Variants in KCND3 observed in about 807,000 individuals in gnomAD.
KCND3 encodes the protein potassium voltage-gated channel subfamily D member 3, also known as A-type voltage-gated potassium channel KCND3.
A neutral mutation model predicts 51.1 loss-of-function variants in KCND3; 9 were observed. The observed-to-expected ratio is 0.18, with a 90% CI of 0.11 to 0.31. The LOEUF (loss-of-function observed/expected upper bound fraction) is 0.31. KCND3 is among the 10% of genes least tolerant of loss of function. The pLI is 1.00. For missense variants in KCND3, 526 were observed against 903.8 expected (o/e 0.58, Z 5.36); for synonymous variants, 349 against 368.0 (o/e 0.95, Z 0.59).
At chr1:111,962,690 A>T (rs759242330) in intron 2 of KCND3, among the ~76,000 whole-genome samples, 5 of 152,202 alleles carry the variant, frequency 3.3e-5, no homozygotes, top group Non-Finnish European at 4.4e-5. Context: ...TTCAGTCCAC[A>T]TGGTTCATGG....
chr1:111,831,248 T>C (rs1666821422), intron 2 of KCND3, among the ~76,000 whole-genome samples: 1 of 152,254 alleles, frequency 6.6e-6, no homozygotes, highest in African/African-American at 2.4e-5. Flanking sequence ...TTTCCTGTGA[T>C]AATGGTTTGG....
rs186266744 is a variant in KCND3, at chr1:111,838,833, G to T, written c.1107-51727C>A. On this transcript the variant is annotated intron_variant, in intron 2 of 7. Transcript: ENST00000302127. The stretch of plus-strand genomic sequence containing the variant: ...TGGAGGACAGTTTTGAAGTCAAATG[G>T]TTGTACTATTGTCCAGATCACATCT... Among the ~76,000 whole-genome samples, 281 of 152,130 alleles carry T rather than the reference G, an allele frequency of 1.8e-3. 2 individuals carry two copies. Among genetic ancestry groups the T allele is most frequent in the South Asian group, 0.017 (82 of 4,810 alleles).
chr1:111,896,377 C>A (rs1670115660), intron 2 of KCND3, among the ~76,000 whole-genome samples: 1 of 152,144 alleles, frequency 6.6e-6, no homozygotes, highest in Non-Finnish European at 1.5e-5. Context: ...TTTTTAATAC[C>A]ATTTGATTAA....
chr1:111,969,130 G>C (rs906722679), intron 2 of KCND3, among the ~76,000 whole-genome samples: 3 of 151,518 alleles, frequency 2.0e-5, no homozygotes, highest in Non-Finnish European at 2.9e-5. Flanking sequence ...GTGAACCACT[G>C]CCTGCCTGCC....
intron 2 of KCND3, among the ~76,000 whole-genome samples, chr1:111,809,442 G>C (rs1214991401): frequency 6.6e-6 from 1 of 151,776 alleles, no homozygotes; most frequent in Non-Finnish European, 1.5e-5. Flanking sequence ...CCGAGTACCT[G>C]GGACTACAGG....
chr1:111,798,138 G>A (rs1665138571), intron 2 of KCND3, among the ~76,000 whole-genome samples: 3 of 152,174 alleles, frequency 2.0e-5, no homozygotes, highest in Non-Finnish European at 2.9e-5. Context: ...GGGAAGTGGG[G>A]CAGCCCCTTC....
intron 2 of KCND3, among the ~76,000 whole-genome samples, chr1:111,969,731 A>G (rs115698114): frequency 0.018 from 2,716 of 152,278 alleles, 75 homozygotes; most frequent in African/African-American, 0.062. Context: ...TTCAATCTTC[A>G]GTGGAGTGGC....
intron 2 of KCND3, among the ~76,000 whole-genome samples, chr1:111,818,508 C>A (rs969695855): frequency 1.3e-5 from 2 of 152,216 alleles, no homozygotes; most frequent in Non-Finnish European, 2.9e-5. Flanking sequence ...GTCTGCGAGC[C>A]TTCTCTGCTT....
intron 3 of KCND3, among the ~76,000 whole-genome samples, chr1:111,786,611 G>C (rs905157383): frequency 2.0e-5 from 3 of 152,164 alleles, no homozygotes; most frequent in Non-Finnish European, 2.9e-5. Flanking sequence ...ATGTTTCCTA[G>C]TAAGCTCTTG....
chr1:111,966,079 C>T (rs972533213), intron 2 of KCND3, among the ~76,000 whole-genome samples: 1 of 152,162 alleles, frequency 6.6e-6, no homozygotes, highest in Non-Finnish European at 1.5e-5. Context: ...CTTGGCACCA[C>T]CCTGCTGCTG....
chr1:111,986,296 G>A (rs1309920274), intron 1 of KCND3, among the ~76,000 whole-genome samples: 1 of 152,176 alleles, frequency 6.6e-6, no homozygotes, highest in East Asian at 1.9e-4. Flanking sequence ...CTGCCCAAAG[G>A]TTACAGGTAA....
chr1:111,798,816 G>T (rs1280668947), intron 2 of KCND3, among the ~76,000 whole-genome samples: 2 of 150,018 alleles, frequency 1.3e-5, no homozygotes, highest in African/African-American at 2.5e-5. Flanking sequence ...CCTTTCTGCT[G>T]CAAAACACTT....
chr1:111,943,674 T>C (rs1672640682), intron 2 of KCND3, among the ~76,000 whole-genome samples: 1 of 152,186 alleles, frequency 6.6e-6, no homozygotes, highest in African/African-American at 2.4e-5. Context: ...CGAGCCTAGA[T>C]GGGAAGAGGC....
chr1:111,895,051 G>T (rs965399727), intron 2 of KCND3, among the ~76,000 whole-genome samples: 3 of 150,462 alleles, frequency 2.0e-5, no homozygotes, highest in African/African-American at 7.3e-5. Flanking sequence ...TGTGGAGAGG[G>T]AGAGGAAGCA....
chr1:111,943,251 G>A (rs1271825834), intron 2 of KCND3, among the ~76,000 whole-genome samples: 1 of 152,146 alleles, frequency 6.6e-6, no homozygotes, highest in African/African-American at 2.4e-5. Flanking sequence ...TGGCCAAGAA[G>A]AGCAGCTGCA....
rs75924765 is a variant in KCND3, at chr1:111,836,139, G to A, written c.1107-49033C>T. On this transcript the variant is annotated intron_variant, in intron 2 of 7. Transcript: ENST00000302127. ...CTGAAGGATGTTGAAGTTCACATGGGTGGATCCTGGACAAGAGACTTTTGG... is the reference window on the plus strand; with the variant it reads ...CTGAAGGATGTTGAAGTTCACATGGATGGATCCTGGACAAGAGACTTTTGG... Among the ~76,000 whole-genome samples the A allele has an allele frequency of 4.7e-3, 716 of 152,314 alleles. 4 individuals are homozygous for A. Among genetic ancestry groups the A allele is most frequent in the African/African-American group, 0.016 (666 of 41,562 alleles).
chr1:111,978,398 G>T (rs933985111), intron 2 of KCND3, among the ~76,000 whole-genome samples: 2 of 152,236 alleles, frequency 1.3e-5, no homozygotes, highest in Non-Finnish European at 2.9e-5. Context: ...GCTGTGAGCT[G>T]TTAGAAGCAA....
At chr1:111,806,886 C>CA (rs894368194) in intron 2 of KCND3, among the ~76,000 whole-genome samples, 8 of 152,312 alleles carry the variant, frequency 5.3e-5, no homozygotes, top group African/African-American at 1.9e-4. Flanking sequence ...ACACTTCACT[C>CA]AAAGTTGGGG....
intron 2 of KCND3, among the ~76,000 whole-genome samples, chr1:111,947,458 T>C (rs991802945): frequency 6.6e-6 from 1 of 152,266 alleles, no homozygotes; most frequent in Non-Finnish European, 1.5e-5. Context: ...ATTTTCACTT[T>C]AGTGATGTGA....
Sources: gnomAD v4.1 joint callset for allele counts (sites outside exome capture counted in the v4.1 genomes callset) on GRCh38, gnomAD v4.1.1 for gene constraint, MANE v1.5 for transcripts, NCBI Gene and HGNC (gene_info 2026-07-23, HGNC 2026-07-21) for gene names.